PCSK5: variants seen among roughly 807,000 people sequenced by gnomAD.
PCSK5 encodes the protein proprotein convertase subtilisin/kexin type 5.
Under a neutral mutation model 233.2 loss-of-function variants are expected in PCSK5, and 129 were observed. That is an observed-to-expected ratio of 0.55 (90% CI 0.48 to 0.64). The LOEUF (loss-of-function observed/expected upper bound fraction) is 0.64. Among genes scored for constraint, PCSK5 ranks in the 30% least tolerant of loss-of-function variants. The pLI, the probability that PCSK5 is intolerant of heterozygous loss-of-function variation, is 0.00. For synonymous variants in PCSK5, 825 were observed against 879.2 expected, an observed-to-expected ratio of 0.94 and a Z score of 1.09; for missense variants, 2,076 against 2,430.1, an observed-to-expected ratio of 0.85 and a Z score of 3.06.
intron 5 of PCSK5, 49 bp from the exon 6 acceptor site, chr9:76,067,893 ACGCGTTGGCTTTG>A: frequency 7.8e-7 from 1 of 1,274,886 alleles, no homozygotes. Context: ...GGTGGCAGTG[ACGCGTTGGCTTTG>A]TGAGAATGGT....
intron 24 of PCSK5, among the ~76,000 whole-genome samples, chr9:76,269,652 A>G (rs1201838324): frequency 6.6e-6 from 1 of 152,252 alleles, no homozygotes; most frequent in Admixed American, 6.5e-5. Flanking sequence ...GCTGTAAGCA[A>G]TAAAAGCACA....
At chr9:76,204,185 T>C (rs1320222109) in intron 20 of PCSK5, among the ~76,000 whole-genome samples, 1 of 152,206 alleles carries the variant, frequency 6.6e-6, no homozygotes, top group East Asian at 1.9e-4. Flanking sequence ...CTCTTGAATC[T>C]GTCCTCTTCC....
intron 7 of PCSK5, among the ~76,000 whole-genome samples, chr9:76,079,102 A>AT (rs963595806): frequency 6.8e-4 from 97 of 143,270 alleles, no homozygotes; most frequent in South Asian, 1.6e-3. Flanking sequence ...GATGGATTGC[A>AT]TTTTTTTTTT....
At chr9:76,227,746 C>T (rs1587781120) in intron 21 of PCSK5, 141 bp downstream of exon 21, 1 of 641,002 alleles carries the variant, frequency 1.6e-6, no homozygotes, top group Non-Finnish European at 2.8e-6. Context: ...CAGATATTCT[C>T]CTTGGTCTGG....
At chr9:76,130,459 A>G (rs1243585904) in intron 9 of PCSK5, among the ~76,000 whole-genome samples, 1 of 152,128 alleles carries the variant, frequency 6.6e-6, no homozygotes, top group Non-Finnish European at 1.5e-5. Flanking sequence ...TCTACTTACT[A>G]CCTGTGTATT....
At chr9:76,086,945 A>G (rs771480200) in intron 7 of PCSK5, among the ~76,000 whole-genome samples, 3 of 152,228 alleles carry the variant, frequency 2.0e-5, no homozygotes, top group Non-Finnish European at 4.4e-5. Flanking sequence ...GTTCATCAAA[A>G]TAGAATTCTT....
chr9:76,154,234 T>C (rs1269614219), intron 10 of PCSK5, among the ~76,000 whole-genome samples: 1 of 152,208 alleles, frequency 6.6e-6, no homozygotes, highest in African/African-American at 2.4e-5. Context: ...CAGCCTCTCT[T>C]CCGAGCATCT....
At chr9:76,146,373 A>C (rs1350694762) in intron 10 of PCSK5, among the ~76,000 whole-genome samples, 2 of 152,114 alleles carry the variant, frequency 1.3e-5, no homozygotes, top group African/African-American at 4.8e-5. Flanking sequence ...TATCTTTTCC[A>C]TATTAATATC....
chr9:76,358,519 G>T lies in PCSK5; in HGVS notation c.5261G>T (p.Cys1754Phe), dbSNP rs1342833040. 1.9e-6 allele frequency: 3 copies of T among 1,607,808 alleles called. No homozygotes were observed. Among genetic ancestry groups the T allele is most frequent in the Non-Finnish European group, 2.6e-6 (3 of 1,175,722 alleles). ...TGAGGTCTTCTTCCAACAGACGAATGCATCCTTCGAACAAGCAAGGTTAGG... is the reference window on the plus strand; with the variant it reads ...TGAGGTCTTCTTCCAACAGACGAATTCATCCTTCGAACAAGCAAGGTTAGG... ...CCDCQDTTDECILRTSKVRPA... is the reference protein window; with the variant it reads ...CCDCQDTTDEFILRTSKVRPA... The change falls in exon 38 of 38, where the codon TGC becomes TTC. Residue 1754 changes from cysteine to phenylalanine, a missense_variant. Cys to Phe is a radical substitution (Grantham distance 205, BLOSUM62 -2). This residue lies in a region of PCSK5 where 1,510 missense variants were observed against 1,538.1 expected (regional missense o/e 0.98). Transcript: ENST00000674117.
chr9:76,345,910 C>T (rs1041344786), intron 35 of PCSK5, among the ~76,000 whole-genome samples: 1 of 151,940 alleles, frequency 6.6e-6, no homozygotes, highest in Admixed American at 6.6e-5. Flanking sequence ...AGTAGAGACA[C>T]GGTTTCACCA....
chr9:76,352,008 T>C (rs1051444958), intron 36 of PCSK5, among the ~76,000 whole-genome samples: 4 of 152,116 alleles, frequency 2.6e-5, no homozygotes, highest in African/African-American at 9.7e-5. Context: ...CAAAAGAGGG[T>C]TCTTGGATCT....
intron 1 of PCSK5, among the ~76,000 whole-genome samples, chr9:75,917,603 A>G (rs1286286860): frequency 6.6e-6 from 1 of 152,250 alleles, no homozygotes; most frequent in Admixed American, 6.5e-5. Context: ...ATGAGCAGAT[A>G]GTATCAGTAA....
chr9:76,185,173 G>C (rs1495251), intron 17 of PCSK5, among the ~76,000 whole-genome samples: 149,045 of 152,354 alleles, frequency 0.98, 72,922 homozygotes, highest in East Asian at 1. Flanking sequence ...TCTCCACATA[G>C]CCAATCATTC....
At chr9:76,137,984 A>G (rs1384096910) in intron 10 of PCSK5, among the ~76,000 whole-genome samples, 1 of 152,082 alleles carries the variant, frequency 6.6e-6, no homozygotes, top group Non-Finnish European at 1.5e-5. Context: ...AAGCATATGA[A>G]TTAGCCATAA....
rs905520694 is a variant in PCSK5, at chr9:76,284,656, C to T, written c.3143-7577C>T. ...CAAGTGATTCTCCTGCCTCAACCTCCCAAGTAGCTGGGATTACAGACATGT... is the reference window on the plus strand; with the variant it reads ...CAAGTGATTCTCCTGCCTCAACCTCTCAAGTAGCTGGGATTACAGACATGT... On this transcript the variant is annotated intron_variant, in intron 24 of 37. Coordinates refer to ENST00000674117, the MANE Select transcript of PCSK5 (RefSeq NM_001372043.1). Among the ~76,000 whole-genome samples, 10 of 151,870 alleles carry T rather than the reference C, an allele frequency of 6.6e-5. No homozygotes were observed. The East Asian group carries it at 1.9e-3, about 29-fold the overall frequency.
At chr9:76,309,082 G>A (rs1184611068) in intron 29 of PCSK5, among the ~76,000 whole-genome samples, 1 of 152,014 alleles carries the variant, frequency 6.6e-6, no homozygotes, top group African/African-American at 2.4e-5. Context: ...GCTGGGCATG[G>A]TGGCATGTCC....
At chr9:75,905,364 AAAT>A (rs1826217698) in intron 1 of PCSK5, among the ~76,000 whole-genome samples, 1 of 152,194 alleles carries the variant, frequency 6.6e-6, no homozygotes, top group Non-Finnish European at 1.5e-5. Context: ...AAAAAAATAA[AAAT>A]AAAAAATTAG....
intron 34 of PCSK5, among the ~76,000 whole-genome samples, chr9:76,334,864 G>C (rs953455962): frequency 6.6e-6 from 1 of 152,176 alleles, no homozygotes; most frequent in Non-Finnish European, 1.5e-5. Flanking sequence ...GATCACTTGA[G>C]GCCAGGAGTT....
chr9:76,074,785 TA>T (rs1830587483), intron 7 of PCSK5, among the ~76,000 whole-genome samples: 2 of 152,246 alleles, frequency 1.3e-5, no homozygotes, highest in South Asian at 4.1e-4. Context: ...AAATGCATTT[TA>T]TTTTTCAGAG....
Sources: gnomAD v4.1 joint callset for allele counts (sites outside exome capture counted in the v4.1 genomes callset) on GRCh38, gnomAD v4.1.1 for gene constraint, gnomAD v4.1.1 regional missense constraint, MANE v1.5 for transcripts, NCBI Gene and HGNC (gene_info 2026-07-23, HGNC 2026-07-21) for gene names.